Variants in LMBRD2 observed in about 807,000 individuals in gnomAD.
LMBRD2 encodes the protein G protein-coupled receptor-associated protein LMBRD2.
Under a neutral mutation model 94.4 loss-of-function variants are expected in LMBRD2, and 55 were observed. The ratio of observed to expected loss-of-function variants is 0.58; its 90% CI spans 0.47 to 0.73. The LOEUF (loss-of-function observed/expected upper bound fraction) is 0.73, where lower values mean the gene tolerates loss of function less well. LMBRD2 is among the 30% of genes least tolerant of loss of function. LMBRD2 has a pLI of 0.00. For missense variants in LMBRD2, 640 were observed against 831.9 expected, an observed-to-expected ratio of 0.77 and a Z score of 2.84; for synonymous variants, 246 against 272.4, an observed-to-expected ratio of 0.90 and a Z score of 0.95.
At chr5:36,111,929 C>T (rs571827879) in intron 13 of LMBRD2, among the ~76,000 whole-genome samples, 12 of 151,856 alleles carry the variant, frequency 7.9e-5, no homozygotes, top group Non-Finnish European at 1.6e-4. Flanking sequence ...AATGACAGAC[C>T]TAGAATTTAA....
chr5:36,136,369 C>T lies in LMBRD2; in HGVS notation c.687G>A (p.Lys229=). ...CTTTCTCTGTCATCAGTTTGGCTGC[C>T]TTAAAATACGTTTTCATAAGTAGAT... ...RGYLLMKTYF[K]AAKLMTEKAD... Residue 229 remains lysine, a synonymous_variant, in exon 6 of 18, where the codon AAG becomes AAA. Coordinates refer to ENST00000296603, the MANE Select transcript of LMBRD2 (RefSeq NM_001007527.2). 1 of 1,614,052 alleles carries T rather than the reference C, an allele frequency of 6.2e-7. No homozygotes were observed. The highest frequency in any genetic ancestry group is 8.5e-7 in the Non-Finnish European group (1 of 1,179,938).
rs2111833814 is a variant in LMBRD2, at chr5:36,103,487, A to C, written c.*559T>G. The C allele has an allele frequency of 6.6e-6, 1 of 152,454 alleles. No individual in the cohort carries two copies. Among genetic ancestry groups the C allele is most frequent in the East Asian group, 1.9e-4 (1 of 5,184 alleles). The allele number at this position is 152,454 out of a possible 1,614,324, so 9.4% of individuals were successfully genotyped here. On this transcript the variant is annotated 3_prime_UTR_variant, in exon 18 of 18. Coordinates refer to ENST00000296603, the MANE Select transcript of LMBRD2 (RefSeq NM_001007527.2). ...TGCAAAAATCCCCCACGAGTTTGCA[A>C]ACAGATTTGAAAAAGCACTTTTTAC... is the stretch of plus-strand genomic sequence containing the variant.
At position 36,114,530 on chromosome 5, in the gene LMBRD2, C is replaced by A; in HGVS notation, c.1543-9G>T. 1 of 1,515,718 alleles carries A rather than the reference C, an allele frequency of 6.6e-7. No individual in the cohort carries two copies. Among genetic ancestry groups the A allele is most frequent in the South Asian group, 1.4e-5 (1 of 73,280 alleles). 93.9% of individuals were successfully genotyped at this position (1,515,718 alleles called of 1,614,324 possible). A position where few individuals can be genotyped will look rare whatever the true frequency, so the allele number is the denominator to read the frequency against. On this transcript the variant is annotated splice_polypyrimidine_tract_variant and intron_variant, in intron 12 of 17. Coordinates refer to ENST00000296603, the MANE Select transcript of LMBRD2 (RefSeq NM_001007527.2). The stretch of plus-strand genomic sequence containing the variant: ...TTCATGGAACCCATAATCTGAAGAG[C>A]AAGAAAAAAGTAAGTTAAATTGGAA...
intron 3 of LMBRD2, among the ~76,000 whole-genome samples, chr5:36,142,283 C>T (rs539701740): frequency 6.6e-5 from 10 of 152,174 alleles, no homozygotes; most frequent in Admixed American, 4.6e-4. Context: ...TTCTCACTAC[C>T]GTCTACTGAA....
In LMBRD2 at chr5:36,137,258, A is replaced by C. The variant is rs1250993346; in HGVS notation, c.536+16T>G. 6.6e-7 allele frequency: 1 copy of C among 1,514,000 alleles called. No homozygotes were observed. The highest frequency in any genetic ancestry group is 1.4e-5 in the African/African-American group (1 of 72,774). The allele number at this position is 1,514,000 out of a possible 1,614,324, so 93.8% of individuals were successfully genotyped here. A position where few individuals can be genotyped will look rare whatever the true frequency, so the allele number is the denominator to read the frequency against. On this transcript the variant is annotated intron_variant, in intron 5 of 17. Transcript: ENST00000296603. ...AACATACATTAAAGCAATGTTAAGAAGACTACTTTTCTTACCATTCTAAAT... is the reference window on the plus strand; with the variant it reads ...AACATACATTAAAGCAATGTTAAGACGACTACTTTTCTTACCATTCTAAAT...
chr5:36,131,598 C>G (rs1390935921), intron 6 of LMBRD2, among the ~76,000 whole-genome samples: 2 of 151,972 alleles, frequency 1.3e-5, no homozygotes, highest in Non-Finnish European at 2.9e-5. Context: ...AAAACTCCAC[C>G]AAAAAACTAT....
At chr5:36,142,284 G>T (rs1434177064) in intron 3 of LMBRD2, among the ~76,000 whole-genome samples, 4 of 152,170 alleles carry the variant, frequency 2.6e-5, no homozygotes, top group Non-Finnish European at 5.9e-5. Flanking sequence ...TCTCACTACC[G>T]TCTACTGAAG....
rs1288453587 is a variant in LMBRD2, at chr5:36,136,497, T to A, written c.559A>T (p.Ile187Leu). The A allele has an allele frequency of 1.9e-6, 3 of 1,613,900 alleles. No homozygotes were observed. Among genetic ancestry groups the A allele is most frequent in the Non-Finnish European group, 1.7e-6 (2 of 1,179,910 alleles). Reference protein sequence around the residue: ...LEWNQLQTIGIAAANTWGLFL... With the variant: ...LEWNQLQTIGLAAANTWGLFL... ...AGACCCCATGTATTTGCAGCAGCTA[T>A]CCCAATTGTCTGAAGCTGGTTCCTA... The change falls in exon 6 of 18, where the codon ATA (isoleucine) becomes TTA (leucine). Residue 187 changes from isoleucine (I) to leucine (L), a missense_variant. Coordinates refer to ENST00000296603, the MANE Select transcript of LMBRD2 (RefSeq NM_001007527.2).
rs1743290366 is a variant in LMBRD2, at chr5:36,098,594, C to T, written c.*5452G>A. On this transcript the variant is annotated 3_prime_UTR_variant, in exon 18 of 18. Coordinates refer to ENST00000296603, the MANE Select transcript of LMBRD2 (RefSeq NM_001007527.2). ...ATGTAATTTATTTCATGCAAAGCTA[C>T]ATTCTTTCCTATATTTTAACAGCTA... The T allele has an allele frequency of 6.6e-6, 1 of 152,038 alleles. No individual in the cohort carries two copies. Among genetic ancestry groups the T allele is most frequent in the South Asian group, 2.1e-4 (1 of 4,836 alleles). The allele number at this position is 152,038 out of a possible 1,614,324, so 9.4% of individuals were successfully genotyped here.
At chr5:36,139,663 A>G (rs1744356386) in intron 4 of LMBRD2, among the ~76,000 whole-genome samples, 1 of 152,214 alleles carries the variant, frequency 6.6e-6, no homozygotes, top group South Asian at 2.1e-4. Context: ...GACTACAGAT[A>G]GGAGCTATCT....
At chr5:36,132,714 T>A (rs1419047316) in intron 6 of LMBRD2, among the ~76,000 whole-genome samples, 1 of 151,234 alleles carries the variant, frequency 6.6e-6, no homozygotes, top group Non-Finnish European at 1.5e-5. Context: ...AAACAGGCAT[T>A]TTATAGTTTT....
intron 1 of LMBRD2, among the ~76,000 whole-genome samples, chr5:36,144,685 A>AAAAT (rs1008292176): frequency 2.0e-5 from 3 of 152,188 alleles, no homozygotes; most frequent in Admixed American, 1.3e-4. Context: ...ATTCTGTCTC[A>AAAAT]AAATAAATAA....
At chr5:36,121,688 T>C (rs1191397889) in intron 9 of LMBRD2, among the ~76,000 whole-genome samples, 1 of 152,176 alleles carries the variant, frequency 6.6e-6, no homozygotes, top group Admixed American at 6.5e-5. Flanking sequence ...AGTACAGTCA[T>C]GTGTCACATA....
chr5:36,147,426 T>C (rs10941274), intron 1 of LMBRD2, among the ~76,000 whole-genome samples: 7,744 of 152,240 alleles, frequency 0.051, 295 homozygotes, highest in East Asian at 0.13. Context: ...CAGTTCCATG[T>C]GATTAAGCAC....
intron 6 of LMBRD2, among the ~76,000 whole-genome samples, chr5:36,125,842 A>G (rs2111879900): frequency 1.3e-5 from 2 of 152,316 alleles, no homozygotes; most frequent in South Asian, 4.1e-4. Context: ...TTAACTGATT[A>G]TTTAAAATGA....
intron 6 of LMBRD2, among the ~76,000 whole-genome samples, chr5:36,124,734 T>C (rs958253688): frequency 6.6e-6 from 1 of 152,112 alleles, no homozygotes; most frequent in Non-Finnish European, 1.5e-5. Context: ...ATTGATTAAC[T>C]CCATACTTGC....
At chr5:36,118,801 C>T (rs1581048163) in intron 9 of LMBRD2, among the ~76,000 whole-genome samples, 1 of 152,036 alleles carries the variant, frequency 6.6e-6, no homozygotes, top group Non-Finnish European at 1.5e-5. Flanking sequence ...CAGGCGTGTG[C>T]CACCACTCCC....
chr5:36,138,225 TG>T (rs1744317533), intron 4 of LMBRD2, among the ~76,000 whole-genome samples: 2 of 151,998 alleles, frequency 1.3e-5, no homozygotes, highest in South Asian at 4.1e-4. Flanking sequence ...TATGTATAAG[TG>T]GAGGAGAATA....
chr5:36,134,134 A>G (rs553377676), intron 6 of LMBRD2, among the ~76,000 whole-genome samples: 1 of 152,242 alleles, frequency 6.6e-6, no homozygotes, highest in African/African-American at 2.4e-5. Flanking sequence ...ATGTTCTTTC[A>G]AAAGACATAA....
Sources: gnomAD v4.1 joint callset for allele counts (sites outside exome capture counted in the v4.1 genomes callset) on GRCh38, gnomAD v4.1.1 for gene constraint, MANE v1.5 for transcripts, NCBI Gene and HGNC (gene_info 2026-07-23, HGNC 2026-07-21) for gene names.